Variants in PCGF6 observed in about 807,000 individuals in gnomAD.
The protein encoded by PCGF6 is polycomb group ring finger 6, also known as polycomb group RING finger protein 6.
PCGF6 carries 24 observed loss-of-function variants against 45.5 expected under a neutral mutation model. The observed-to-expected ratio is 0.53, with a 90% CI of 0.38 to 0.74. PCGF6 has a LOEUF of 0.74. PCGF6 is among the 30% of genes least tolerant of loss of function. The probability of loss-of-function intolerance (pLI) is 0.00; values close to 1 mark genes in which losing one functional copy is unlikely to be tolerated. For missense variants in PCGF6, 356 were observed against 443.2 expected, an observed-to-expected ratio of 0.80 and a Z score of 1.77; for synonymous variants, 152 against 162.1, an observed-to-expected ratio of 0.94 and a Z score of 0.47.
intron 6 of PCGF6, 71 bp from the exon 7 acceptor site, chr10:103,334,023 T>C: frequency 9.6e-7 from 1 of 1,038,916 alleles, no homozygotes; most frequent in South Asian, 2.0e-5. Context: ...AAACAACATA[T>C]ATAAATATTT....
chr10:103,325,199 A>G (rs2093213480), intron 8 of PCGF6, among the ~76,000 whole-genome samples: 1 of 149,286 alleles, frequency 6.7e-6, no homozygotes, highest in South Asian at 2.1e-4. Flanking sequence ...TAGGGTCCCT[A>G]TTAGATAAAA....
rs2093248139 is a variant in PCGF6 at position 103,333,854 on chromosome 10, T to G, written c.810+71A>C. 3 of 1,109,974 alleles carry G rather than the reference T, an allele frequency of 2.7e-6. No homozygotes were observed. In the African/African-American group the frequency reaches 4.9e-5, roughly 18 times the overall value. 68.8% of individuals were successfully genotyped at this position (1,109,974 alleles called of 1,614,324 possible). A position where few individuals can be genotyped will look rare whatever the true frequency, so the allele number is the denominator to read the frequency against. On this transcript the variant is annotated intron_variant, in intron 7 of 9. Coordinates refer to ENST00000369847, the MANE Select transcript of PCGF6 (RefSeq NM_001011663.2). ...ACTTATTTATACAATCTCCATTTGG[T>G]TGCTAATCTGACTCGAATTTGTGTG...
At chr10:103,338,061 C>A (rs865963826) in intron 6 of PCGF6, among the ~76,000 whole-genome samples, 4 of 21,326 alleles carry the variant, frequency 1.9e-4, no homozygotes, top group Admixed American at 6.7e-4. Context: ...GAGACTCCGT[C>A]TCAAAAAAAA....
chr10:103,310,668 T>C (rs930054495), intron 9 of PCGF6, among the ~76,000 whole-genome samples: 7 of 152,034 alleles, frequency 4.6e-5, no homozygotes, highest in Non-Finnish European at 1.0e-4. Context: ...CAAAGGAACA[T>C]AGGCAATTAT....
At chr10:103,316,533 G>A (rs1298954372) in intron 8 of PCGF6, among the ~76,000 whole-genome samples, 1 of 152,092 alleles carries the variant, frequency 6.6e-6, no homozygotes, top group African/African-American at 2.4e-5. Context: ...ACTTTCCTGA[G>A]ATCACAAAGC....
intron 8 of PCGF6, among the ~76,000 whole-genome samples, chr10:103,319,155 T>A (rs922372389): frequency 6.6e-6 from 1 of 152,140 alleles, no homozygotes; most frequent in African/African-American, 2.4e-5. Context: ...TGATCATACA[T>A]ACTCTTCTTT....
chr10:103,324,308 G>C (rs1011706933), intron 8 of PCGF6, among the ~76,000 whole-genome samples: 1 of 137,592 alleles, frequency 7.3e-6, no homozygotes, highest in Non-Finnish European at 1.5e-5. Context: ...TAACAAAAAG[G>C]CTTTTTAAAT....
intron 6 of PCGF6, among the ~76,000 whole-genome samples, chr10:103,335,942 G>A (rs965586827): frequency 2.0e-5 from 3 of 151,602 alleles, no homozygotes; most frequent in African/African-American, 7.3e-5. Flanking sequence ...ACTCCAGCCC[G>A]GTGACAGTGC....
At chr10:103,309,944 C>T (rs1474503553) in intron 9 of PCGF6, among the ~76,000 whole-genome samples, 1 of 150,400 alleles carries the variant, frequency 6.6e-6, no homozygotes, top group Non-Finnish European at 1.5e-5. Context: ...CAGAGTGAGA[C>T]CTTGTCTTTC....
chr10:103,319,649 T>A (rs528291561), intron 8 of PCGF6, among the ~76,000 whole-genome samples: 37 of 152,188 alleles, frequency 2.4e-4, no homozygotes, highest in Non-Finnish European at 4.7e-4. Flanking sequence ...GCATGAATTT[T>A]GTCTCATCTT....
At position 103,333,906 on chromosome 10, in the gene PCGF6, GAA is replaced by G. The variant is rs745482899; in HGVS notation, c.810+17_810+18del. 2.6e-6 allele frequency: 4 copies of G among 1,526,392 alleles called. No individual in the cohort carries two copies. Among genetic ancestry groups the G allele is most frequent in the South Asian group, 1.3e-5 (1 of 78,668 alleles). 94.6% of individuals were successfully genotyped at this position (1,526,392 alleles called of 1,614,324 possible). On this transcript the variant is annotated intron_variant, in intron 7 of 9. Coordinates refer to ENST00000369847, the MANE Select transcript of PCGF6 (RefSeq NM_001011663.2). ...TACAGAGTCCTCTTGTGAAATGAAT[GAA>G]AAAAAAAGTAAAATACCTTAAAATG...
At chr10:103,306,069 C>T (rs900489826) in intron 9 of PCGF6, among the ~76,000 whole-genome samples, 1 of 148,996 alleles carries the variant, frequency 6.7e-6, no homozygotes, top group Non-Finnish European at 1.5e-5. Flanking sequence ...AATTCTTTGG[C>T]TCTCACCAAG....
At chr10:103,322,835 C>A (rs1462685379) in intron 8 of PCGF6, among the ~76,000 whole-genome samples, 2 of 144,150 alleles carry the variant, frequency 1.4e-5, no homozygotes, top group South Asian at 4.5e-4. Flanking sequence ...CACACACACA[C>A]AAAAAGTCCA....
At chr10:103,341,524 C>T (rs1481083627) in intron 6 of PCGF6, among the ~76,000 whole-genome samples, 1 of 151,906 alleles carries the variant, frequency 6.6e-6, no homozygotes, top group Non-Finnish European at 1.5e-5. Flanking sequence ...ACTGCAACCT[C>T]CGCCTCTCGG....
At chr10:103,310,468 T>C (rs949646757) in intron 9 of PCGF6, among the ~76,000 whole-genome samples, 3 of 152,094 alleles carry the variant, frequency 2.0e-5, no homozygotes, top group African/African-American at 4.8e-5. Flanking sequence ...TTTCATTATA[T>C]GTCAATTAAA....
At chr10:103,340,783 T>G (rs890480120) in intron 6 of PCGF6, among the ~76,000 whole-genome samples, 1 of 152,050 alleles carries the variant, frequency 6.6e-6, no homozygotes, top group Non-Finnish European at 1.5e-5. Flanking sequence ...CGTATTTTTT[T>G]GTAGAGACAG....
At position 103,319,718 on chromosome 10, in the gene PCGF6, T is replaced by C. The variant is rs147595971; in HGVS notation, c.910-5446A>G. The stretch of plus-strand genomic sequence containing the variant: ...TTTAGTAACAATATATAATAAATGG[T>C]ATGGAAACATCATATATTAGTCCTT... On this transcript the variant is annotated intron_variant, in intron 8 of 9. Transcript: ENST00000369847. Among the ~76,000 whole-genome samples, 6 of 152,272 alleles carry C rather than the reference T, an allele frequency of 3.9e-5. No homozygotes were observed. The East Asian group carries it at 1.2e-3, about 29-fold the overall frequency.
chr10:103,333,363 C>CAATTTTTTTTTTTTTTTT (rs2093246806), intron 7 of PCGF6, among the ~76,000 whole-genome samples: 1 of 152,080 alleles, frequency 6.6e-6, no homozygotes, highest in African/African-American at 2.4e-5. Context: ...TCAAAGTCAC[C>CAATTTTTTTTTTTTTTTT]TATTCCTTGT....
At chr10:103,345,002 G>A (rs769240846) in intron 6 of PCGF6, 22 bp downstream of exon 6, 5 of 1,475,386 alleles carry the variant, frequency 3.4e-6, no homozygotes, top group East Asian at 2.3e-5. Flanking sequence ...TAAGTTAAAA[G>A]GTAAATTTTT....
Sources: gnomAD v4.1 joint callset for allele counts (sites outside exome capture counted in the v4.1 genomes callset) on GRCh38, gnomAD v4.1.1 for gene constraint, MANE v1.5 for transcripts, NCBI Gene and HGNC (gene_info 2026-07-23, HGNC 2026-07-21) for gene names.